Variants in ABTB3 observed in about 807,000 individuals in gnomAD.
ABTB3 encodes the protein ankyrin repeat and BTB domain containing 3.
chr12:107,424,109 C>A, the ABTB3 span, among the ~76,000 whole-genome samples: 1 of 152,150 alleles, frequency 6.6e-6, no homozygotes, highest in African/African-American at 2.4e-5. Flanking sequence ...CCAGAGCGGG[C>A]ACTTAAGTGG....
chr12:107,410,296 AG>A, the ABTB3 span, among the ~76,000 whole-genome samples: 6 of 151,692 alleles, frequency 4.0e-5, no homozygotes, highest in African/African-American at 2.4e-5. Flanking sequence ...CAGAGGAAAA[AG>A]TACAAGGTGC....
chr12:107,632,868 T>C, the ABTB3 span, among the ~76,000 whole-genome samples: 1 of 152,350 alleles, frequency 6.6e-6, no homozygotes, highest in East Asian at 1.9e-4. Context: ...ACTTAACTCC[T>C]AGTGTGGTTA....
chr12:107,322,278 C>T, the ABTB3 span, among the ~76,000 whole-genome samples: 2 of 152,114 alleles, frequency 1.3e-5, no homozygotes, highest in East Asian at 1.9e-4. Flanking sequence ...CACACCACAG[C>T]GCTTAACTCT....
the ABTB3 span, among the ~76,000 whole-genome samples, chr12:107,606,656 C>G: frequency 6.6e-6 from 1 of 152,196 alleles, no homozygotes; most frequent in Non-Finnish European, 1.5e-5. Flanking sequence ...AGAAGAAACT[C>G]CAATGGGTGT....
the ABTB3 span, among the ~76,000 whole-genome samples, chr12:107,585,648 CT>C: frequency 2.6e-5 from 4 of 152,240 alleles, no homozygotes; most frequent in Non-Finnish European, 5.9e-5. Context: ...CCCAGGTCCC[CT>C]GGGCACCTTT....
At chr12:107,550,843 A>G in the ABTB3 span, among the ~76,000 whole-genome samples, 8 of 152,238 alleles carry the variant, frequency 5.3e-5, no homozygotes, top group Non-Finnish European at 7.4e-5. Context: ...TCGGCCTCCC[A>G]AAGTGCTGGG....
chr12:107,605,855 T>C, the ABTB3 span, among the ~76,000 whole-genome samples: 4 of 152,260 alleles, frequency 2.6e-5, no homozygotes, highest in South Asian at 2.1e-4. Flanking sequence ...TGGGATTTCA[T>C]TGGCAAAACC....
chr12:107,391,048 G>T, the ABTB3 span, among the ~76,000 whole-genome samples: 2 of 152,330 alleles, frequency 1.3e-5, no homozygotes, highest in South Asian at 4.1e-4. Flanking sequence ...CTACTTGGGA[G>T]GCTGAGGCAG....
chr12:107,644,289 G>A, the ABTB3 span, among the ~76,000 whole-genome samples: 1 of 152,300 alleles, frequency 6.6e-6, no homozygotes, highest in East Asian at 1.9e-4. Flanking sequence ...CGAAGCCAGT[G>A]GTTCTGAACC....
At chr12:107,544,225 G>T in the ABTB3 span, 2 of 1,402,124 alleles carry the variant, frequency 1.4e-6, no homozygotes, top group East Asian at 4.7e-5. Context: ...GATGATGGGG[G>T]TAGAAAGGAC....
the ABTB3 span, among the ~76,000 whole-genome samples, chr12:107,580,209 A>G: frequency 6.6e-6 from 1 of 152,132 alleles, no homozygotes; most frequent in African/African-American, 2.4e-5. Flanking sequence ...GGTTTTGAAA[A>G]CTGCCTGTAT....
the ABTB3 span, among the ~76,000 whole-genome samples, chr12:107,431,253 T>A: frequency 6.6e-6 from 1 of 152,242 alleles, no homozygotes. Context: ...TTCCATTCCA[T>A]GAGCAGGCTT....
chr12:107,382,642 C>T, the ABTB3 span, among the ~76,000 whole-genome samples: 3 of 152,030 alleles, frequency 2.0e-5, no homozygotes, highest in South Asian at 6.2e-4. Flanking sequence ...CCATCATCCT[C>T]AGCAAACTAA....
At chr12:107,532,886 AT>A in the ABTB3 span, among the ~76,000 whole-genome samples, 1 of 128,062 alleles carries the variant, frequency 7.8e-6, no homozygotes, top group African/African-American at 3.1e-5. Flanking sequence ...GCTGAAAGGA[AT>A]AAAAAAAAAT....
chr12:107,558,416 T>A, the ABTB3 span, among the ~76,000 whole-genome samples: 1 of 152,220 alleles, frequency 6.6e-6, no homozygotes, highest in East Asian at 1.9e-4. Context: ...CTGTAGGAGT[T>A]GATCGGTGCC....
the ABTB3 span, chr12:107,612,709 A>G: frequency 1.4e-6 from 2 of 1,388,150 alleles, no homozygotes; most frequent in African/African-American, 2.9e-5. Context: ...AAGATTCTCC[A>G]TTTGTTATTG....
the ABTB3 span, among the ~76,000 whole-genome samples, chr12:107,442,794 A>T: frequency 6.6e-6 from 1 of 152,178 alleles, no homozygotes; most frequent in Admixed American, 6.5e-5. Context: ...TCTTTCCCAG[A>T]CTTGGTGTGC....
chr12:107,634,648 G>A, the ABTB3 span, among the ~76,000 whole-genome samples: 5 of 152,182 alleles, frequency 3.3e-5, no homozygotes, highest in African/African-American at 4.8e-5. Context: ...AGAGGTCAAC[G>A]TGAACGATGA....
the ABTB3 span, chr12:107,520,245 A>G: frequency 2.0e-6 from 2 of 985,298 alleles, no homozygotes; most frequent in South Asian, 4.7e-5. Context: ...GGAAATGTGT[A>G]TGTACAGACG....
Sources: gnomAD v4.1 joint callset for allele counts (sites outside exome capture counted in the v4.1 genomes callset) on GRCh38, gnomAD v4.1.1 for gene constraint, MANE v1.5 for transcripts, NCBI Gene and HGNC (gene_info 2026-07-23, HGNC 2026-07-21) for gene names.